NCAM1: variants seen among roughly 807,000 people sequenced by gnomAD.
NCAM1 encodes the protein antigen recognized by monoclonal antibody 5.1H11.
NCAM1 carries 14 observed loss-of-function variants against 109.8 expected under a neutral mutation model. That is an observed-to-expected ratio of 0.13 (90% CI 0.08 to 0.20). The LOEUF (loss-of-function observed/expected upper bound fraction) is 0.20. Among genes scored for constraint, NCAM1 ranks in the 10% least tolerant of loss-of-function variants. The pLI is 1.00. For synonymous variants in NCAM1, 418 were observed against 442.9 expected (o/e 0.94, Z 0.70); for missense variants, 774 against 1,109.9 (o/e 0.70, Z 4.30).
chr11:113,056,601 G>A (rs1211689182), intron 1 of NCAM1, among the ~76,000 whole-genome samples: 9 of 152,140 alleles, frequency 5.9e-5, no homozygotes, highest in Admixed American at 5.9e-4. Flanking sequence ...CATGTGGTAA[G>A]GAACTGGGGG....
At chr11:113,032,141 A>G (rs941593561) in intron 1 of NCAM1, among the ~76,000 whole-genome samples, 5 of 152,130 alleles carry the variant, frequency 3.3e-5, no homozygotes, top group Non-Finnish European at 5.9e-5. Flanking sequence ...AGGTCTCTCT[A>G]TGTAACCCAG....
chr11:112,970,597 A>C (rs535768424), intron 1 of NCAM1, among the ~76,000 whole-genome samples: 3 of 152,294 alleles, frequency 2.0e-5, no homozygotes, highest in Non-Finnish European at 2.9e-5. Flanking sequence ...CAGTTATGTA[A>C]CCTCTTTGAA....
chr11:113,013,960 T>A (rs1952142439), intron 1 of NCAM1, among the ~76,000 whole-genome samples: 4 of 152,220 alleles, frequency 2.6e-5, no homozygotes. Context: ...ATGTCCCAGA[T>A]AAAACTACAT....
At chr11:113,218,549 G>A (rs1413480233) in intron 8 of NCAM1, among the ~76,000 whole-genome samples, 1 of 152,132 alleles carries the variant, frequency 6.6e-6, no homozygotes, top group African/African-American at 2.4e-5. Flanking sequence ...GAATACCAAT[G>A]TTCTTGTTCA....
At chr11:113,206,229 T>C (rs781912118) in intron 5 of NCAM1, 49 bp downstream of exon 5, 1 of 1,532,212 alleles carries the variant, frequency 6.5e-7, no homozygotes, top group Non-Finnish European at 8.8e-7. Context: ...CAACCTTGGT[T>C]CTCCAAAATC....
chr11:113,135,067 C>G (rs1941548692), intron 1 of NCAM1, among the ~76,000 whole-genome samples: 1 of 152,062 alleles, frequency 6.6e-6, no homozygotes, highest in South Asian at 2.1e-4. Context: ...GCTGTTTTCC[C>G]AAAGTTCTCT....
chr11:113,191,233 A>T lies in NCAM1; in HGVS notation c.53-11146A>T, dbSNP rs569180026. 8.5e-5 allele frequency among the ~76,000 whole-genome samples: 13 copies of T among 152,302 alleles called. No individual in the cohort carries two copies. The South Asian group carries it at 2.5e-3, about 29-fold the overall frequency. ...GAGGCTGGACCCACTGGTGGTGAGG[A>T]GCAGGGTTGGAGGGAATTCGGTTCA... On this transcript the variant is annotated intron_variant, in intron 1 of 19. Coordinates refer to ENST00000316851, the MANE Select transcript of NCAM1 (RefSeq NM_181351.5).
chr11:113,201,625 A>G (rs1489821650), intron 1 of NCAM1, among the ~76,000 whole-genome samples: 1 of 152,232 alleles, frequency 6.6e-6, no homozygotes, highest in African/African-American at 2.4e-5. Context: ...ATTTTGTCTT[A>G]TCGGTGCAGT....
intron 1 of NCAM1, among the ~76,000 whole-genome samples, chr11:113,121,581 CT>C (rs1940964462): frequency 7.0e-6 from 1 of 142,302 alleles, no homozygotes; most frequent in African/African-American, 2.6e-5. Context: ...CAGAAAGGGG[CT>C]TTTGAGAAGA....
At chr11:113,235,008 T>C in intron 13 of NCAM1, 25 bp from the exon 14 acceptor site, 1 of 1,537,480 alleles carries the variant, frequency 6.5e-7, no homozygotes, top group South Asian at 1.2e-5. Flanking sequence ...TAGACTCTTT[T>C]GTCATCCTTC....
chr11:113,271,711 C>A (rs1347742132), intron 18 of NCAM1, 49 bp from the exon 19 acceptor site: 26 of 1,423,048 alleles, frequency 1.8e-5, no homozygotes, highest in Admixed American at 4.2e-5. Context: ...CCGTGGGAGC[C>A]CCTCCCTGCA....
intron 1 of NCAM1, among the ~76,000 whole-genome samples, chr11:113,168,489 C>T (rs1219021321): frequency 6.6e-6 from 1 of 152,162 alleles, no homozygotes; most frequent in Admixed American, 6.5e-5. Flanking sequence ...TGCCTTATGA[C>T]AAAAGAAGGG....
intron 1 of NCAM1, among the ~76,000 whole-genome samples, chr11:112,991,036 T>C (rs1206527642): frequency 6.6e-6 from 1 of 152,154 alleles, no homozygotes; most frequent in Non-Finnish European, 1.5e-5. Flanking sequence ...ATCTTACCGG[T>C]GTTCTCTTGT....
intron 1 of NCAM1, among the ~76,000 whole-genome samples, chr11:113,052,076 A>G (rs1481002869): frequency 2.6e-5 from 4 of 152,294 alleles, no homozygotes; most frequent in Admixed American, 2.0e-4. Context: ...GTTTCCCTTC[A>G]TAGGGAAGTG....
At chr11:113,257,120 C>T (rs539246851) in intron 16 of NCAM1, among the ~76,000 whole-genome samples, 1 of 152,338 alleles carries the variant, frequency 6.6e-6, no homozygotes, top group South Asian at 2.1e-4. Flanking sequence ...TGTCACTGCC[C>T]TGAGGCCCAG....
At chr11:113,028,088 T>C (rs1952607551) in intron 1 of NCAM1, among the ~76,000 whole-genome samples, 1 of 152,130 alleles carries the variant, frequency 6.6e-6, no homozygotes, top group Admixed American at 6.5e-5. Context: ...TCCGCTTATA[T>C]AGGAAGAATA....
chr11:112,971,724 A>G (rs1555066844), intron 1 of NCAM1, among the ~76,000 whole-genome samples: 1 of 152,122 alleles, frequency 6.6e-6, no homozygotes. Flanking sequence ...ATAACTGGGA[A>G]TACCAGGTAG....
chr11:113,028,184 T>G, intron 1 of NCAM1, among the ~76,000 whole-genome samples: 1 of 152,184 alleles, frequency 6.6e-6, no homozygotes, highest in Non-Finnish European at 1.5e-5. Context: ...AAGAAGATCT[T>G]GAAAGTTATG....
intron 19 of NCAM1, chr11:113,272,872 C>T (rs542109932): frequency 1.8e-5 from 8 of 455,296 alleles, no homozygotes; most frequent in South Asian, 7.8e-5. Flanking sequence ...CCCTCCTCCT[C>T]GCTTCTCTGT....
Sources: gnomAD v4.1 joint callset for allele counts (sites outside exome capture counted in the v4.1 genomes callset) on GRCh38, gnomAD v4.1.1 for gene constraint, MANE v1.5 for transcripts, NCBI Gene and HGNC (gene_info 2026-07-23, HGNC 2026-07-21) for gene names.